OR56B2: variants seen among roughly 807,000 people sequenced by gnomAD.
OR56B2 encodes olfactory receptor 56B2.
the OR56B2 span, among the ~76,000 whole-genome samples, chr11:5,764,943 A>C: frequency 6.8e-4 from 96 of 140,594 alleles, 19 homozygotes; most frequent in Non-Finnish European, 1.0e-3. Context: ...AATGTACCTA[A>C]TATCACATAG....
At chr11:5,761,263 G>A in the OR56B2 span, 1 of 152,182 alleles carries the variant, frequency 6.6e-6, no homozygotes, top group Non-Finnish European at 1.5e-5. Context: ...TGGGGCCAGA[G>A]TCAGTCTTTT....
At chr11:5,763,681 A>C in the OR56B2 span, among the ~76,000 whole-genome samples, 2 of 140,380 alleles carry the variant, frequency 1.4e-5, 1 homozygote, top group Non-Finnish European at 3.1e-5. Context: ...AGACTCATGG[A>C]CATAAAACTG....
chr11:5,762,085 T>C, the OR56B2 span, among the ~76,000 whole-genome samples: 15 of 152,152 alleles, frequency 9.9e-5, no homozygotes, highest in African/African-American at 3.6e-4. Context: ...ATATAATCCA[T>C]TGTAAGAATA....
chr11:5,763,344 A>T, the OR56B2 span, among the ~76,000 whole-genome samples: 1 of 141,990 alleles, frequency 7.0e-6, no homozygotes, highest in Admixed American at 7.2e-5. Flanking sequence ...ACGGAGTTTC[A>T]CTCTTGTTGC....
At chr11:5,767,599 C>A in the OR56B2 span, 1 of 139,198 alleles carries the variant, frequency 7.2e-6, no homozygotes, top group Non-Finnish European at 1.6e-5. Context: ...TAGAATAAAA[C>A]TTATCTTACA....
chr11:5,766,499 T>C, the OR56B2 span: 7 of 140,314 alleles, frequency 5.0e-5, 1 homozygote, highest in Admixed American at 2.2e-4. Context: ...GTGTCTTATA[T>C]TTTTAATTTG....
the OR56B2 span, among the ~76,000 whole-genome samples, chr11:5,763,335 C>T: frequency 6.0e-4 from 85 of 142,288 alleles, 2 homozygotes; most frequent in East Asian, 0.012. Context: ...ATTTTTGAGA[C>T]GGAGTTTCAC....
At chr11:5,762,178 T>C in the OR56B2 span, among the ~76,000 whole-genome samples, 2 of 151,608 alleles carry the variant, frequency 1.3e-5, no homozygotes, top group East Asian at 3.9e-4. Context: ...TAGATCATTG[T>C]ATTTTCTAAG....
chr11:5,763,170 C>G, the OR56B2 span, among the ~76,000 whole-genome samples: 1 of 151,946 alleles, frequency 6.6e-6, no homozygotes, highest in East Asian at 1.9e-4. Flanking sequence ...TATGAATTAC[C>G]TCTTTCATGT....
chr11:5,767,137 G>A, the OR56B2 span: 1 of 139,534 alleles, frequency 7.2e-6, no homozygotes, highest in Admixed American at 7.4e-5. Context: ...TAACATGGCA[G>A]ACAAGGTCAA....
the OR56B2 span, chr11:5,766,948 A>AAT: frequency 7.1e-5 from 10 of 140,178 alleles, 3 homozygotes; most frequent in Non-Finnish European, 1.6e-4. Flanking sequence ...TAGCATTATT[A>AAT]GCCAAAAAGT....
chr11:5,765,088 T>A, the OR56B2 span: 1 of 143,334 alleles, frequency 7.0e-6, no homozygotes, highest in East Asian at 2.1e-4. Flanking sequence ...TATCAAATAT[T>A]TTTCCCCTTA....
At chr11:5,768,770 C>T in the OR56B2 span, among the ~76,000 whole-genome samples, 10,769 of 139,350 alleles carry the variant, frequency 0.077, 2,184 homozygotes, top group African/African-American at 0.11. Context: ...TGTCTGAGAA[C>T]AGGAAAATAC....
At chr11:5,767,097 G>T in the OR56B2 span, 5 of 138,958 alleles carry the variant, frequency 3.6e-5, no homozygotes, top group Admixed American at 3.0e-4. Flanking sequence ...CATGTCCCTG[G>T]CTTCATCTGA....
At chr11:5,765,678 C>T in the OR56B2 span, 1 of 140,552 alleles carries the variant, frequency 7.1e-6, no homozygotes, top group Admixed American at 7.3e-5. Flanking sequence ...AGTCACTAGC[C>T]TATCTTGTGA....
chr11:5,762,516 G>T, the OR56B2 span, among the ~76,000 whole-genome samples: 3 of 151,600 alleles, frequency 2.0e-5, no homozygotes, highest in Non-Finnish European at 2.9e-5. Flanking sequence ...ATTTATGATC[G>T]GTAATCTCTT....
the OR56B2 span, among the ~76,000 whole-genome samples, chr11:5,762,404 T>C: frequency 6.6e-6 from 1 of 152,144 alleles, no homozygotes; most frequent in Admixed American, 6.5e-5. Flanking sequence ...TTTTTATGGC[T>C]TTCGATAATT....
At chr11:5,764,648 A>G in the OR56B2 span, among the ~76,000 whole-genome samples, 2 of 139,756 alleles carry the variant, frequency 1.4e-5, no homozygotes, top group Non-Finnish European at 3.2e-5. Flanking sequence ...TATATACTCT[A>G]TCATCAAATA....
chr11:5,762,464 A>T, the OR56B2 span, among the ~76,000 whole-genome samples: 380 of 152,098 alleles, frequency 2.5e-3, 3 homozygotes, highest in African/African-American at 8.7e-3. Context: ...CTTCTCACTC[A>T]TTACCCAAAG....
Sources: allele counts gnomAD v4.1 joint callset (sites outside exome capture counted in the v4.1 genomes callset), GRCh38; gene constraint gnomAD v4.1.1; transcripts MANE v1.5; gene names NCBI Gene and HGNC (gene_info 2026-07-23, HGNC 2026-07-21).